Variants in HS3ST2 observed in about 807,000 individuals in gnomAD.
The protein encoded by HS3ST2 is heparan sulfate-glucosamine 3-sulfotransferase 2.
In HS3ST2, 17 loss-of-function variants were observed where a neutral mutation model predicts 26.3. The observed-to-expected ratio is 0.65, with a 90% CI of 0.44 to 0.97. The LOEUF (loss-of-function observed/expected upper bound fraction) is 0.97. Among genes scored for constraint, HS3ST2 ranks in the 50% least tolerant of loss-of-function variants. The pLI is 0.00. For synonymous variants in HS3ST2, 237 were observed against 219.2 expected, an observed-to-expected ratio of 1.08 and a Z score of -0.72; for missense variants, 402 against 501.2, an observed-to-expected ratio of 0.80 and a Z score of 1.89.
intron 1 of HS3ST2, among the ~76,000 whole-genome samples, chr16:22,914,173 C>T (rs1274939941): frequency 2.0e-5 from 3 of 151,854 alleles, no homozygotes; most frequent in African/African-American, 4.8e-5. Context: ...CTCATTTATC[C>T]CTCATCTTCT....
chr16:22,847,708 G>A (rs1471201254), intron 1 of HS3ST2, among the ~76,000 whole-genome samples: 1 of 151,598 alleles, frequency 6.6e-6, no homozygotes, highest in African/African-American at 2.4e-5. Context: ...AAGCTATTAA[G>A]CCATAGAGTC....
intron 1 of HS3ST2, among the ~76,000 whole-genome samples, chr16:22,902,741 G>A (rs982436019): frequency 7.2e-5 from 11 of 152,082 alleles, no homozygotes; most frequent in African/African-American, 2.7e-4. Flanking sequence ...CAGCCTTACA[G>A]GTGAATAATA....
chr16:22,895,979 C>CT (rs111437323), intron 1 of HS3ST2, among the ~76,000 whole-genome samples: 298 of 144,156 alleles, frequency 2.1e-3, no homozygotes, highest in African/African-American at 4.0e-3. Context: ...TAATTTTTAT[C>CT]TTTTTTTTTT....
chr16:22,835,219 T>C (rs1435340490), intron 1 of HS3ST2, among the ~76,000 whole-genome samples: 1 of 152,090 alleles, frequency 6.6e-6, no homozygotes, highest in African/African-American at 2.4e-5. Flanking sequence ...GACTCTTCAA[T>C]ATTGGATTGG....
chr16:22,875,820 A>G (rs1014821097), intron 1 of HS3ST2, among the ~76,000 whole-genome samples: 8 of 152,180 alleles, frequency 5.3e-5, no homozygotes, highest in African/African-American at 1.9e-4. Context: ...TTATAGGTAT[A>G]CCATTTTTAA....
chr16:22,868,067 A>G (rs1901781319), intron 1 of HS3ST2, among the ~76,000 whole-genome samples: 1 of 152,174 alleles, frequency 6.6e-6, no homozygotes, highest in Non-Finnish European at 1.5e-5. Context: ...AAAAAATATT[A>G]CACATGCACA....
At chr16:22,877,706 C>A (rs868301614) in intron 1 of HS3ST2, among the ~76,000 whole-genome samples, 1 of 152,162 alleles carries the variant, frequency 6.6e-6, no homozygotes, top group Non-Finnish European at 1.5e-5. Context: ...GTGTTTCACT[C>A]AACATTTATT....
At chr16:22,887,800 C>A (rs904314720) in intron 1 of HS3ST2, among the ~76,000 whole-genome samples, 1 of 130,354 alleles carries the variant, frequency 7.7e-6, no homozygotes, top group East Asian at 2.4e-4. Context: ...AAAAAAAAAA[C>A]TAGCCAGGCA....
intron 1 of HS3ST2, among the ~76,000 whole-genome samples, chr16:22,888,081 T>A (rs1234710312): frequency 6.6e-6 from 1 of 152,216 alleles, no homozygotes; most frequent in Non-Finnish European, 1.5e-5. Context: ...AGCCTCAGTT[T>A]CCCACAGTGG....
Position 22,906,520 on chromosome 16 carries a change from C to A in HS3ST2, c.486-8424C>A, listed in dbSNP as rs970244222. 2.0e-5 allele frequency among the ~76,000 whole-genome samples: 3 copies of A among 152,232 alleles called. 1 individual carries two copies. In the South Asian group the frequency reaches 6.2e-4, roughly 32 times the overall value. ...TGGCATGCAGCTTAACTTCACCACCCCTTCCCCACCAGCCACAGGGCAGAG... is the reference window on the plus strand; with the variant it reads ...TGGCATGCAGCTTAACTTCACCACCACTTCCCCACCAGCCACAGGGCAGAG... On this transcript the variant is annotated intron_variant, in intron 1 of 1. Transcript: ENST00000261374.
intron 1 of HS3ST2, among the ~76,000 whole-genome samples, chr16:22,860,265 AAG>A (rs199559930): frequency 6.6e-6 from 1 of 152,146 alleles, no homozygotes; most frequent in Non-Finnish European, 1.5e-5. Flanking sequence ...GGCGTCCGGC[AAG>A]AGAGAGAGCT....
intron 1 of HS3ST2, among the ~76,000 whole-genome samples, chr16:22,885,819 A>C (rs894334879): frequency 2.0e-5 from 3 of 152,096 alleles, no homozygotes; most frequent in Non-Finnish European, 4.4e-5. Context: ...GACTGAGCAG[A>C]AGGTTCTGCA....
At chr16:22,874,272 T>C (rs533013993) in intron 1 of HS3ST2, among the ~76,000 whole-genome samples, 2 of 152,322 alleles carry the variant, frequency 1.3e-5, no homozygotes, top group East Asian at 3.9e-4. Flanking sequence ...AGTAAAAGAC[T>C]ATTTAATAAT....
intron 1 of HS3ST2, among the ~76,000 whole-genome samples, chr16:22,878,400 CCTGT>C (rs1346667589): frequency 6.6e-6 from 1 of 152,162 alleles, no homozygotes; most frequent in Non-Finnish European, 1.5e-5. Context: ...TGAGACCTGC[CCTGT>C]CTTTGTTAAG....
At chr16:22,835,676 C>T (rs1324054754) in intron 1 of HS3ST2, among the ~76,000 whole-genome samples, 1 of 151,848 alleles carries the variant, frequency 6.6e-6, no homozygotes, top group East Asian at 1.9e-4. Context: ...TCTTACAAAT[C>T]ACAAAAAAAG....
Position 22,903,289 on chromosome 16 carries a change from T to C in HS3ST2, c.486-11655T>C, listed in dbSNP as rs1292102984. On this transcript the variant is annotated intron_variant, in intron 1 of 1. Coordinates refer to ENST00000261374, the MANE Select transcript of HS3ST2 (RefSeq NM_006043.2). ...TGGAATAGCATGAGTTCCTACTTTG[T>C]AGGGTTATTGTGAAGATCAAGTGAG... Among the ~76,000 whole-genome samples, 7 of 152,218 alleles carry C rather than the reference T, an allele frequency of 4.6e-5. No individual in the cohort carries two copies. The East Asian group carries it at 1.3e-3, about 29-fold the overall frequency.
intron 1 of HS3ST2, among the ~76,000 whole-genome samples, chr16:22,902,266 T>C (rs1296517574): frequency 6.6e-6 from 1 of 152,256 alleles, no homozygotes; most frequent in Admixed American, 6.5e-5. Context: ...GTGGTTCTGA[T>C]AGAAATGTGG....
chr16:22,898,496 G>T (rs1902237503), intron 1 of HS3ST2, among the ~76,000 whole-genome samples: 1 of 152,222 alleles, frequency 6.6e-6, no homozygotes, highest in Non-Finnish European at 1.5e-5. Context: ...GCATGAGAAG[G>T]ATTGAGCCAC....
At chr16:22,826,352 T>C (rs1161382993) in intron 1 of HS3ST2, among the ~76,000 whole-genome samples, 1 of 152,100 alleles carries the variant, frequency 6.6e-6, no homozygotes, top group African/African-American at 2.4e-5. Flanking sequence ...GCATCTCAGG[T>C]CTGGCTACTT....
Sources: gnomAD v4.1 joint callset for allele counts (sites outside exome capture counted in the v4.1 genomes callset) on GRCh38, gnomAD v4.1.1 for gene constraint, MANE v1.5 for transcripts, NCBI Gene and HGNC (gene_info 2026-07-23, HGNC 2026-07-21) for gene names.